The following EPHB1 variants were observed in gnomAD, a reference collection of about 807,000 sequenced individuals.
EPHB1 encodes the protein EPH receptor B1.
EPHB1 carries 30 observed loss-of-function variants against 94.4 expected under a neutral mutation model. That is an observed-to-expected ratio of 0.32 (90% CI 0.24 to 0.43). The LOEUF is 0.43. Among genes scored for constraint, EPHB1 ranks in the 20% least tolerant of loss-of-function variants. The probability of loss-of-function intolerance (pLI) is 1.00; values close to 1 mark genes in which losing one functional copy is unlikely to be tolerated. For missense variants in EPHB1, 1,055 were observed against 1,308.3 expected (o/e 0.81, Z 2.99); for synonymous variants, 522 against 489.1 (o/e 1.07, Z -0.89).
rs1250454662 is a variant in EPHB1, at chr3:135,023,376, T to G, written c.805+71324T>G. On this transcript the variant is annotated intron_variant, in intron 3 of 15. Transcript: ENST00000398015. ...AATTCTTTGTTGTGGGGAGCTGTCC[T>G]GTGCATTGTAGAAGATTTAGCAGGA... Among the ~76,000 whole-genome samples the G allele has an allele frequency of 3.3e-5, 5 of 152,328 alleles. No homozygotes were observed. In the East Asian group the frequency reaches 9.6e-4, roughly 29 times the overall value.
intron 1 of EPHB1, among the ~76,000 whole-genome samples, chr3:134,880,703 A>C (rs1045270880): frequency 2.0e-5 from 3 of 152,234 alleles, no homozygotes; most frequent in Non-Finnish European, 4.4e-5. Flanking sequence ...CTGAGCACCC[A>C]GCCAATGCTT....
chr3:135,024,759 C>A (rs1050573377), intron 3 of EPHB1, among the ~76,000 whole-genome samples: 1 of 152,190 alleles, frequency 6.6e-6, no homozygotes, highest in Non-Finnish European at 1.5e-5. Flanking sequence ...CCATTCTTTT[C>A]CCTAACACTT....
intron 3 of EPHB1, among the ~76,000 whole-genome samples, chr3:134,986,711 AACACAC>A (rs60628273): frequency 6.9e-5 from 10 of 145,726 alleles, no homozygotes; most frequent in Middle Eastern, 6.9e-3. Context: ...TAAAGATATT[AACACAC>A]ACACACACAC....
At chr3:135,157,941 A>G (rs932871333) in intron 6 of EPHB1, among the ~76,000 whole-genome samples, 1 of 152,228 alleles carries the variant, frequency 6.6e-6, no homozygotes, top group Non-Finnish European at 1.5e-5. Context: ...ACTTACCCAT[A>G]ACAGCACAGG....
At chr3:135,208,330 T>G (rs1942954987) in intron 12 of EPHB1, among the ~76,000 whole-genome samples, 1 of 149,372 alleles carries the variant, frequency 6.7e-6, no homozygotes, top group African/African-American at 2.5e-5. Flanking sequence ...TGTGTGTGTG[T>G]GTGTGTGTGT....
intron 1 of EPHB1, among the ~76,000 whole-genome samples, chr3:134,905,999 A>G (rs1398506986): frequency 1.3e-5 from 2 of 152,188 alleles, no homozygotes; most frequent in East Asian, 3.9e-4. Flanking sequence ...ATAAGATCAG[A>G]GGAGACTCTT....
At chr3:134,983,519 G>A (rs1934489499) in intron 3 of EPHB1, among the ~76,000 whole-genome samples, 1 of 152,230 alleles carries the variant, frequency 6.6e-6, no homozygotes, top group Non-Finnish European at 1.5e-5. Flanking sequence ...CAGGAGAGGG[G>A]TCATGTTGGG....
At chr3:134,819,392 C>T (rs1553853709) in intron 1 of EPHB1, among the ~76,000 whole-genome samples, 1 of 152,122 alleles carries the variant, frequency 6.6e-6, no homozygotes, top group Non-Finnish European at 1.5e-5. Flanking sequence ...GAAGGGTGCC[C>T]ATGTGGTGAT....
intron 4 of EPHB1, among the ~76,000 whole-genome samples, chr3:135,119,454 CT>C (rs11363986): frequency 0.18 from 26,931 of 151,662 alleles, 3,443 homozygotes; most frequent in East Asian, 0.59. Flanking sequence ...CTTTTTCTTT[CT>C]TTTTTTTGTT....
At chr3:134,999,091 G>T (rs1356306453) in intron 3 of EPHB1, among the ~76,000 whole-genome samples, 1 of 152,174 alleles carries the variant, frequency 6.6e-6, no homozygotes, top group Non-Finnish European at 1.5e-5. Flanking sequence ...AAGTAAACCC[G>T]ATACCTGGTC....
At chr3:135,176,012 A>G (rs1452476315) in intron 9 of EPHB1, among the ~76,000 whole-genome samples, 1 of 152,110 alleles carries the variant, frequency 6.6e-6, no homozygotes, top group Non-Finnish European at 1.5e-5. Context: ...GCCAAAAGAC[A>G]AATGACCTGT....
At position 135,179,945 on chromosome 3, in the gene EPHB1, T is replaced by C; in HGVS notation, c.1845T>C (p.Asp615=). 6.2e-7 allele frequency: 1 copy of C among 1,613,954 alleles called. No homozygotes were observed. Among genetic ancestry groups the C allele is most frequent in the Non-Finnish European group, 8.5e-7 (1 of 1,179,852 alleles). ...TCCGGGAGTTTGCCAAGGAGATTGA[T>C]GTATCTTTTGTGAAAATTGAAGAGG... ...EAVREFAKEI[D]VSFVKIEEVI... Residue 615 remains aspartate (D), a synonymous_variant, in exon 10 of 16, where the codon GAT becomes GAC. Transcript: ENST00000398015.
chr3:135,232,829 TTTC>T (rs1315987756), intron 12 of EPHB1, among the ~76,000 whole-genome samples: 2 of 152,136 alleles, frequency 1.3e-5, no homozygotes, highest in African/African-American at 2.4e-5. Flanking sequence ...CAAACATGTC[TTTC>T]TTCACATGGC....
intron 6 of EPHB1, among the ~76,000 whole-genome samples, chr3:135,155,361 G>C (rs1210323623): frequency 6.6e-6 from 1 of 152,008 alleles, no homozygotes; most frequent in Non-Finnish European, 1.5e-5. Flanking sequence ...GAGGAGGAAA[G>C]GGCAACAGCC....
chr3:134,971,122 AACTG>A (rs1468082257), intron 3 of EPHB1, among the ~76,000 whole-genome samples: 1 of 152,204 alleles, frequency 6.6e-6, no homozygotes, highest in Non-Finnish European at 1.5e-5. Context: ...GGAAGCTTTC[AACTG>A]ACTAACAGTG....
chr3:134,864,751 G>A (rs907861294), intron 1 of EPHB1, among the ~76,000 whole-genome samples: 6 of 152,232 alleles, frequency 3.9e-5, no homozygotes, highest in African/African-American at 1.2e-4. Flanking sequence ...GAGGCAATAT[G>A]TCAGGGGGTA....
At chr3:135,062,335 A>G (rs7636592) in intron 3 of EPHB1, among the ~76,000 whole-genome samples, 152,104 of 152,334 alleles carry the variant, frequency 1, 75,937 homozygotes, top group Middle Eastern at 1. Context: ...CCTGATCACC[A>G]CATCCACGCC....
chr3:135,026,852 A>G (rs1195889185), intron 3 of EPHB1, among the ~76,000 whole-genome samples: 1 of 143,838 alleles, frequency 7.0e-6, no homozygotes, highest in East Asian at 2.0e-4. Flanking sequence ...ATGAGCATGG[A>G]ATGTTCTTCC....
chr3:135,111,962 G>A (rs1227460212), intron 4 of EPHB1, among the ~76,000 whole-genome samples: 2 of 152,238 alleles, frequency 1.3e-5, no homozygotes, highest in Admixed American at 6.5e-5. Flanking sequence ...ATAGGCGTGA[G>A]CCACCGCGCC....
Sources: allele counts gnomAD v4.1 joint callset (sites outside exome capture counted in the v4.1 genomes callset), GRCh38; gene constraint gnomAD v4.1.1; transcripts MANE v1.5; gene names NCBI Gene and HGNC (gene_info 2026-07-23, HGNC 2026-07-21).